Variants in ZER1 observed in about 807,000 individuals in gnomAD.
The protein encoded by ZER1 is zyg-11 related cell cycle regulator.
ZER1 carries 11 observed loss-of-function variants against 78.8 expected under a neutral mutation model. The ratio of observed to expected loss-of-function variants is 0.14; its 90% CI spans 0.09 to 0.23. The LOEUF is 0.23. Among genes scored for constraint, ZER1 ranks in the 10% least tolerant of loss-of-function variants. ZER1 has a pLI of 1.00. For missense variants in ZER1, 588 were observed against 996.9 expected, an observed-to-expected ratio of 0.59 and a Z score of 5.52; for synonymous variants, 400 against 407.0, an observed-to-expected ratio of 0.98 and a Z score of 0.21.
rs376098737 is a variant in ZER1, at chr9:128,757,521, C to CA, written c.-94-1863dup. ...TGGGCAACAAAGCCAGACCCTGTCT[C>CA]AAAAAAAAAAAAAGAGTGAAAGATT... On this transcript the variant is annotated intron_variant, in intron 1 of 15. Transcript: ENST00000291900. Among the ~76,000 whole-genome samples, 191 of 125,076 alleles carry CA rather than the reference C, an allele frequency of 1.5e-3. 1 individual carries two copies. The highest frequency in any genetic ancestry group is 0.013 in the East Asian group (58 of 4,478). The allele number at this position is 125,076 out of a possible 152,430, so 82.1% of individuals were successfully genotyped here.
chr9:128,751,229 T>C lies in ZER1; in HGVS notation c.1078A>G (p.Ile360Val), dbSNP rs1034637395. The change falls in exon 7 of 16, where the codon ATC (isoleucine) becomes GTC (valine). Residue 360 changes from isoleucine to valine, a missense_variant. Around this residue, in one of 3 missense-constraint regions of ZER1, gnomAD observed 406 missense variants for 660.1 expected, o/e 0.62. Transcript: ENST00000291900. The surrounding 1 kb of genome is among the most constrained non-coding windows in gnomAD (Gnocchi z 5.4). ...DKNEEQVLNAIEAYTEHRPEI... is the reference protein window; with the variant it reads ...DKNEEQVLNAVEAYTEHRPEI... Reference sequence around the variant, plus strand: ...GGCCGGTGCTCCGTGTAGGCCTCGATGGCATTCAGCACCTGCTCTTCGTTT... The same window carrying C: ...GGCCGGTGCTCCGTGTAGGCCTCGACGGCATTCAGCACCTGCTCTTCGTTT... The C allele has an allele frequency of 6.2e-7, 1 of 1,604,828 alleles. No individual in the cohort carries two copies. The highest frequency in any genetic ancestry group is 1.1e-5 in the South Asian group (1 of 90,914).
chr9:128,746,458 C>CTTTTTT (rs759531558), intron 8 of ZER1, among the ~76,000 whole-genome samples: 5 of 129,312 alleles, frequency 3.9e-5, no homozygotes, highest in Non-Finnish European at 6.7e-5. Context: ...TCTTCTTTTC[C>CTTTTTT]TTTTTTTTTT....
intron 1 of ZER1, among the ~76,000 whole-genome samples, chr9:128,768,788 A>G (rs1200583080): frequency 6.6e-6 from 1 of 152,074 alleles, no homozygotes; most frequent in Non-Finnish European, 1.5e-5. Context: ...GCACTTCCGG[A>G]TCACCAGCCT....
Position 128,741,619 on chromosome 9 carries a change from C to G in ZER1, c.1653G>C (p.Leu551=). 6.2e-7 allele frequency: 1 copy of G among 1,614,146 alleles called. No individual in the cohort carries two copies. The highest frequency in any genetic ancestry group is 8.5e-7 in the Non-Finnish European group (1 of 1,180,022). Reference sequence around the variant, plus strand: ...CAGGAGTTTCATCTGTGATGTTCCACAGGGCACTCCAGGAGAACTCCATGA... The same window carrying G: ...CAGGAGTTTCATCTGTGATGTTCCAGAGGGCACTCCAGGAGAACTCCATGA... The part of the protein sequence containing the change: ...DQVMEFSWSA[L]WNITDETPDN... The change falls in exon 11 of 16, where the codon CTG becomes CTC. Residue 551 remains leucine, a synonymous_variant. Transcript: ENST00000291900.
intron 13 of ZER1, among the ~76,000 whole-genome samples, chr9:128,738,081 G>A (rs1386200384): frequency 6.8e-6 from 1 of 147,038 alleles, no homozygotes; most frequent in Non-Finnish European, 1.5e-5. Flanking sequence ...GTCTCGCTCT[G>A]TCGCCCAGGC....
chr9:128,759,623 G>A (rs1863977998), intron 1 of ZER1, among the ~76,000 whole-genome samples: 2 of 151,838 alleles, frequency 1.3e-5, no homozygotes, highest in African/African-American at 2.4e-5. Flanking sequence ...GTAAAACCTT[G>A]TCTCTACTAA....
rs12341940 is a variant in ZER1, at chr9:128,752,869, G to A, written c.747-20C>T. 7 of 1,608,502 alleles carry A rather than the reference G, an allele frequency of 4.4e-6. No individual in the cohort carries two copies. The Admixed American group carries it at 1.0e-4, about 23-fold the overall frequency. ...AGGTGTCTGAAGATTGGGGTAGGGG[G>A]TGCAGGTTAGGAGCTGGGTACAGGG... On this transcript the variant is annotated intron_variant, in intron 4 of 15. Coordinates refer to ENST00000291900, the MANE Select transcript of ZER1 (RefSeq NM_006336.4).
chr9:128,733,947 G>GT (rs1862935655), intron 14 of ZER1, among the ~76,000 whole-genome samples: 1 of 132,576 alleles, frequency 7.5e-6, no homozygotes, highest in South Asian at 2.6e-4. Context: ...GGCTAACACG[G>GT]TGAAACCCCG....
intron 14 of ZER1, among the ~76,000 whole-genome samples, chr9:128,734,750 A>C (rs969333779): frequency 3.3e-5 from 5 of 151,796 alleles, no homozygotes; most frequent in African/African-American, 1.2e-4. Flanking sequence ...CTGTCTCTGG[A>C]TATTCTTTTT....
intron 1 of ZER1, among the ~76,000 whole-genome samples, chr9:128,762,733 C>T (rs1042708373): frequency 6.6e-6 from 1 of 152,224 alleles, no homozygotes; most frequent in African/African-American, 2.4e-5. Flanking sequence ...GGGTCTCCCA[C>T]AACAAGGCTC....
At chr9:128,760,908 C>G (rs939546597) in intron 1 of ZER1, among the ~76,000 whole-genome samples, 14 of 152,030 alleles carry the variant, frequency 9.2e-5, no homozygotes, top group Non-Finnish European at 1.6e-4. Flanking sequence ...GCCTGTAATC[C>G]CAGCACTTTG....
At position 128,751,463 on chromosome 9, in the gene ZER1, C is replaced by G; in HGVS notation, c.988G>C (p.Gly330Arg). ...CGGCACAGAGAGTTCTCAAAGAGCC[C>G]GAGGAACTGCAGCGGCCTCTTCAGA... ...RALKRPLQFL[G>R]LFENSLCRLT... Residue 330 changes from glycine to arginine, a missense_variant, in exon 6 of 16, where the codon GGG becomes CGG. Coordinates refer to ENST00000291900, the MANE Select transcript of ZER1 (RefSeq NM_006336.4). The surrounding 1 kb of genome is among the most constrained non-coding windows in gnomAD (Gnocchi z 5.4). The G allele has an allele frequency of 6.2e-7, 1 of 1,614,080 alleles. No homozygotes were observed. The highest frequency in any genetic ancestry group is 8.5e-7 in the Non-Finnish European group (1 of 1,180,020).
chr9:128,744,312 C>T (rs749039504), intron 8 of ZER1, among the ~76,000 whole-genome samples: 4 of 152,086 alleles, frequency 2.6e-5, no homozygotes, highest in Non-Finnish European at 5.9e-5. Context: ...CTGCCTCAGC[C>T]TCCCAAGTAG....
intron 7 of ZER1, 86 bp from the exon 8 acceptor site, chr9:128,750,875 A>G: frequency 6.4e-7 from 1 of 1,564,702 alleles, no homozygotes; most frequent in South Asian, 1.2e-5. Flanking sequence ...TCTCTGGGGC[A>G]AGGTTTAGCC....
chr9:128,755,216 C>A lies in ZER1; in HGVS notation c.158+192G>T, dbSNP rs547834543. 6.6e-6 allele frequency among the ~76,000 whole-genome samples: 1 copy of A among 152,278 alleles called. No individual in the cohort carries two copies. Among genetic ancestry groups the A allele is most frequent in the South Asian group, 2.1e-4 (1 of 4,832 alleles). On this transcript the variant is annotated intron_variant, in intron 2 of 15. Transcript: ENST00000291900. This position sits in a 1 kb window ranked among gnomAD's most constrained non-coding sequence, Gnocchi z 5.6. ...ACCCCTCCACACACACACCAACACA[C>A]ACACATATACACCTTTACGGTTATG...
At position 128,731,394 on chromosome 9, in the gene ZER1, G is replaced by T. The variant is rs1157010726; in HGVS notation, c.2244C>A (p.Arg748=). 1.9e-6 allele frequency: 3 copies of T among 1,610,106 alleles called. No homozygotes were observed. The highest frequency in any genetic ancestry group is 1.7e-5 in the Admixed American group (1 of 59,696). ...AGTTACTGCAGTGCTCAATCACCTT[G>T]CTGGAGACAATGGGGGAGACAGGAT... The part of the protein sequence containing the change: ...TARQETKEMA[R]KVIEHCSNFK... The change falls in exon 16 of 16, where the codon CGC becomes CGA. Residue 748 remains arginine, a splice_region_variant and synonymous_variant. Coordinates refer to ENST00000291900, the MANE Select transcript of ZER1 (RefSeq NM_006336.4).
chr9:128,761,667 C>A (rs1365714518), intron 1 of ZER1, among the ~76,000 whole-genome samples: 6 of 145,506 alleles, frequency 4.1e-5, no homozygotes, highest in Non-Finnish European at 7.5e-5. Flanking sequence ...TACAGTGGTA[C>A]GATCTCGGCT....
At position 128,755,729 on chromosome 9, in the gene ZER1, G is replaced by T; in HGVS notation, c.-94-70C>A. The T allele has an allele frequency of 1.1e-6, 1 of 890,500 alleles. No homozygotes were observed. The highest frequency in any genetic ancestry group is 1.7e-6 in the Non-Finnish European group (1 of 603,098). 55.2% of individuals were successfully genotyped at this position (890,500 alleles called of 1,614,324 possible). On this transcript the variant is annotated intron_variant, in intron 1 of 15. Coordinates refer to ENST00000291900, the MANE Select transcript of ZER1 (RefSeq NM_006336.4). This position sits in a 1 kb window ranked among gnomAD's most constrained non-coding sequence, Gnocchi z 5.6. ...GAACTATCAGTGGTCCCATGTCCAC[G>T]CTCTGAGTAGGGAAACTGAGACCAC...
intron 13 of ZER1, among the ~76,000 whole-genome samples, chr9:128,738,202 G>A (rs1322921216): frequency 4.8e-5 from 7 of 144,958 alleles, no homozygotes; most frequent in East Asian, 2.1e-4. Context: ...ATGCCACCAC[G>A]CCCGGCTAAT....
Sources: allele counts gnomAD v4.1 joint callset (sites outside exome capture counted in the v4.1 genomes callset), GRCh38; gene constraint gnomAD v4.1.1; regional missense constraint gnomAD v4.1.1; non-coding constraint Gnocchi (gnomAD v3.1); transcripts MANE v1.5; gene names NCBI Gene and HGNC (gene_info 2026-07-23, HGNC 2026-07-21).